The following MAP7D3 variants were observed in gnomAD, a reference collection of about 807,000 sequenced individuals.
MAP7D3 encodes MAP7 domain containing 3, also known as MAP7 domain-containing protein 3.
MAP7D3 carries 45 observed loss-of-function variants against 62.2 expected under a neutral mutation model. That is an observed-to-expected ratio of 0.72 (90% confidence interval 0.57 to 0.93). MAP7D3 has a LOEUF of 0.93. MAP7D3 is among the 40% of genes least tolerant of loss of function. The pLI, the probability that MAP7D3 is intolerant of heterozygous loss-of-function variation, is 0.00. For missense variants in MAP7D3, 711 were observed against 683.1 expected, an observed-to-expected ratio of 1.04 and a Z score of -0.45; for synonymous variants, 288 against 248.8, an observed-to-expected ratio of 1.16 and a Z score of -1.48.
intron 1 of MAP7D3, among the ~76,000 whole-genome samples, chrX:136,247,580 A>C (rs73240352): frequency 1.1e-5 from 1 of 93,396 alleles, no homozygotes; most frequent in Non-Finnish European, 2.2e-5. Flanking sequence ...TTGCTGCCGT[A>C]AGGATCACCA....
intron 5 of MAP7D3, among the ~76,000 whole-genome samples, chrX:136,240,820 A>C (rs1294191261): frequency 8.9e-6 from 1 of 112,359 alleles, no homozygotes; most frequent in African/African-American, 3.2e-5. Flanking sequence ...AATTATGTGC[A>C]TATAAGAAAA....
chrX:136,234,130 CAG>C (rs1016479753), intron 7 of MAP7D3, among the ~76,000 whole-genome samples: 8 of 101,272 alleles, frequency 7.9e-5, no homozygotes, highest in African/African-American at 2.2e-4. Flanking sequence ...TAAATACTAA[CAG>C]AGAAAAAGCA....
At chrX:136,237,590 A>C (rs776916304) in intron 6 of MAP7D3, among the ~76,000 whole-genome samples, 103 of 112,261 alleles carry the variant, frequency 9.2e-4, no homozygotes, top group Middle Eastern at 4.6e-3. Context: ...TTAAGAAAAT[A>C]TTTCACAAAG....
upstream of MAP7D3, chrX:136,251,622 T>A: frequency 1.3e-6 from 1 of 743,332 alleles, no homozygotes; most frequent in Non-Finnish European, 1.6e-6. Context: ...CCCTACTGCA[T>A]TGTGAGGACT....
chrX:136,240,724 T>C (rs2074380720), intron 5 of MAP7D3, among the ~76,000 whole-genome samples: 1 of 111,529 alleles, frequency 9.0e-6, no homozygotes, highest in Non-Finnish European at 1.9e-5. Context: ...CCTCTCAAAG[T>C]GCTGGGACTA....
At chrX:136,252,676 C>CAAAAAAAAAAAAAAAAAAAAAAAAAAA (rs770751343), upstream of MAP7D3, among the ~76,000 whole-genome samples, 2 of 36,055 alleles carry the variant, frequency 5.5e-5, no homozygotes, top group Admixed American at 4.6e-4. Context: ...GACTCTGTCT[C>CAAAAAAAAAAAAAAAAAAAAAAAAAAA]AAAAAAAAAA....
At chrX:136,251,478 C>CG, upstream of MAP7D3, 5 of 290,011 alleles carry the variant, frequency 1.7e-5, no homozygotes, top group Non-Finnish European at 2.3e-5. Context: ...CGGGGCGGGG[C>CG]GGGGCCCGAA....
intron 5 of MAP7D3, 118 bp downstream of exon 5, chrX:136,241,042 A>G: frequency 2.4e-6 from 1 of 419,428 alleles, no homozygotes; most frequent in Non-Finnish European, 4.2e-6. Context: ...TACTATATAC[A>G]GTATTTTTGT....
chrX:136,216,405 G>A (rs1603275745), downstream of MAP7D3, among the ~76,000 whole-genome samples: 4 of 73,123 alleles, frequency 5.5e-5, no homozygotes, highest in African/African-American at 1.5e-4. Flanking sequence ...GAAGAAAGAA[G>A]AAGAAGAAGA....
Position 136,246,312 on chromosome X carries a change from T to C in MAP7D3, c.100A>G (p.Arg34Gly), listed in dbSNP as rs368853747. The C allele has an allele frequency of 1.8e-5, 21 of 1,199,842 alleles. No homozygotes were observed. The African/African-American group carries it at 3.5e-4, about 20-fold the overall frequency. ...VAAANEIAKERRKQDVVNRVA... is the reference protein window; with the variant it reads ...VAAANEIAKEGRKQDVVNRVA... Reference sequence around the variant, plus strand: ...CGATTAACCACATCTTGCTTCCTCCTTTCCTTAGCAATCTCGTTTGCTGCA... The same window carrying C: ...CGATTAACCACATCTTGCTTCCTCCCTTCCTTAGCAATCTCGTTTGCTGCA... The change falls in exon 2 of 19, where the codon AGG (arginine) becomes GGG (glycine). Residue 34 changes from arginine to glycine, a missense_variant. Coordinates refer to ENST00000316077, the MANE Select transcript of MAP7D3 (RefSeq NM_024597.4).
In MAP7D3 at chrX:136,240,574, T is replaced by A. The variant is rs994125307; in HGVS notation, c.536-88A>T. ...AAAAAAATGAGTTTTCATGATATAG[T>A]TCTATGGAGCACAGACTTACATTAC... is the stretch of plus-strand genomic sequence containing the variant. On this transcript the variant is annotated intron_variant, in intron 5 of 18. Transcript: ENST00000316077. The A allele has an allele frequency of 1.2e-5, 7 of 588,195 alleles. No homozygotes were observed. In the African/African-American group the frequency reaches 1.6e-4, roughly 13 times the overall value. The allele number at this position is 588,195 out of a possible 1,213,427, so 48.5% of individuals were successfully genotyped here. A position where few individuals can be genotyped will look rare whatever the true frequency, so the allele number is the denominator to read the frequency against.
intron 4 of MAP7D3, 54 bp downstream of exon 4, chrX:136,244,578 T>C: frequency 9.0e-7 from 1 of 1,106,631 alleles, no homozygotes; most frequent in Non-Finnish European, 1.2e-6. Flanking sequence ...AACAATATTC[T>C]AGACTCAGGC....
upstream of MAP7D3, among the ~76,000 whole-genome samples, chrX:136,253,444 A>C (rs2074534124): frequency 8.9e-6 from 1 of 112,477 alleles, no homozygotes; most frequent in African/African-American, 3.2e-5. Context: ...AACTGGCCCC[A>C]ATGCTTCAAA....
At chrX:136,226,128 C>G (rs1331848698) in intron 12 of MAP7D3, 115 bp from the exon 13 acceptor site, 1 of 478,630 alleles carries the variant, frequency 2.1e-6, no homozygotes, top group African/African-American at 2.5e-5. Flanking sequence ...AAGAGTGTAA[C>G]CTTTTGAATG....
intron 1 of MAP7D3, among the ~76,000 whole-genome samples, chrX:136,250,715 T>C (rs2074494870): frequency 8.9e-6 from 1 of 111,967 alleles, no homozygotes; most frequent in South Asian, 3.7e-4. Flanking sequence ...GAGGTAAGCC[T>C]TTGGGAGAGG....
intron 5 of MAP7D3, 86 bp downstream of exon 5, chrX:136,241,074 C>T (rs1167485875): frequency 1.3e-5 from 7 of 540,286 alleles, no homozygotes; most frequent in Non-Finnish European, 1.9e-5. Context: ...ACACTAAAAT[C>T]TTGCTGTAAA....
At chrX:136,238,295 C>T (rs879109544) in intron 6 of MAP7D3, among the ~76,000 whole-genome samples, 2 of 111,657 alleles carry the variant, frequency 1.8e-5, no homozygotes, top group Non-Finnish European at 3.8e-5. Flanking sequence ...CCTGAGGAAT[C>T]GCCACACTGA....
chrX:136,215,021 T>C (rs1013521216), downstream of MAP7D3: 1 of 112,005 alleles, frequency 8.9e-6, no homozygotes, highest in Non-Finnish European at 1.9e-5. Context: ...TTTCTGGAAT[T>C]TGACAGGAAT....
At chrX:136,235,487 A>G (rs1370286037) in intron 7 of MAP7D3, among the ~76,000 whole-genome samples, 1 of 111,941 alleles carries the variant, frequency 8.9e-6, no homozygotes, top group Non-Finnish European at 1.9e-5. Flanking sequence ...GGTGGCTCAC[A>G]CCTGTAATCC....
Sources: gnomAD v4.1 joint callset for allele counts (sites outside exome capture counted in the v4.1 genomes callset) on GRCh38, gnomAD v4.1.1 for gene constraint, MANE v1.5 for transcripts, NCBI Gene and HGNC (gene_info 2026-07-23, HGNC 2026-07-21) for gene names.